Variants in TMEM212 observed in about 807,000 individuals in gnomAD.
TMEM212 encodes the protein transmembrane protein 212.
In TMEM212, 23 loss-of-function variants were observed where a neutral mutation model predicts 20.5. The observed-to-expected ratio is 1.12, with a 90% confidence interval of 0.81 to 1.59. The LOEUF (loss-of-function observed/expected upper bound fraction) is 1.59. Ranked by LOEUF, TMEM212 falls within the 40% of genes most tolerant of loss-of-function variation. The pLI, the probability that TMEM212 is intolerant of heterozygous loss-of-function variation, is 0.00. For synonymous variants in TMEM212, 76 were observed against 81.6 expected (o/e 0.93, Z 0.37); for missense variants, 211 against 215.0 (o/e 0.98, Z 0.12).
Position 171,853,520 on chromosome 3 carries a change from T to C in TMEM212, c.220-7T>C. The C allele has an allele frequency of 1.3e-6, 2 of 1,530,004 alleles. No individual in the cohort carries two copies. The highest frequency in any genetic ancestry group is 1.7e-6 in the Non-Finnish European group (2 of 1,142,874). 94.8% of individuals were successfully genotyped at this position (1,530,004 alleles called of 1,614,324 possible). A position where few individuals can be genotyped will look rare whatever the true frequency, so the allele number is the denominator to read the frequency against. On this transcript the variant is annotated splice_polypyrimidine_tract_variant and splice_region_variant and intron_variant, in intron 2 of 4. Transcript: ENST00000334567. ...AAAGTAACAATTTATTTTTGCTTTA[T>C]TTTCAGGGGGAAGCTACTTTCACCT...
At chr3:171,850,842 T>G (rs1405076019) in intron 1 of TMEM212, among the ~76,000 whole-genome samples, 1 of 152,176 alleles carries the variant, frequency 6.6e-6, no homozygotes, top group Non-Finnish European at 1.5e-5. Context: ...TGTCTGTGTG[T>G]GTGTGTGCAC....
At chr3:171,851,811 G>A (rs188127940) in intron 1 of TMEM212, among the ~76,000 whole-genome samples, 171 bp from the exon 2 acceptor site, 3 of 152,234 alleles carry the variant, frequency 2.0e-5, no homozygotes, top group East Asian at 1.9e-4. Flanking sequence ...TACTTTCCTC[G>A]TCATCACAGT....
chr3:171,855,448 AC>A (rs1288999418), intron 3 of TMEM212, among the ~76,000 whole-genome samples: 1 of 152,164 alleles, frequency 6.6e-6, no homozygotes, highest in African/African-American at 2.4e-5. Flanking sequence ...CCCCATCTCT[AC>A]TAAAAATACA....
chr3:171,852,158 T>A, intron 2 of TMEM212, 117 bp downstream of exon 2: 1 of 825,116 alleles, frequency 1.2e-6, no homozygotes, highest in Non-Finnish European at 1.9e-6. Context: ...TTGGTCTAAT[T>A]GATGCCTTAC....
At chr3:171,844,654 C>A (rs553423432) in intron 1 of TMEM212, among the ~76,000 whole-genome samples, 1 of 151,878 alleles carries the variant, frequency 6.6e-6, no homozygotes, top group Non-Finnish European at 1.5e-5. Flanking sequence ...TGCAGTGAGC[C>A]GAGATCATAC....
At chr3:171,846,387 TAA>T (rs1467410686) in intron 1 of TMEM212, among the ~76,000 whole-genome samples, 1 of 152,218 alleles carries the variant, frequency 6.6e-6, no homozygotes, top group African/African-American at 2.4e-5. Flanking sequence ...TATTAGCATA[TAA>T]GACACTATAT....
At chr3:171,854,815 C>T (rs1008179523) in intron 3 of TMEM212, among the ~76,000 whole-genome samples, 8 of 152,122 alleles carry the variant, frequency 5.3e-5, no homozygotes, top group Admixed American at 5.2e-4. Flanking sequence ...TGGAACAGGA[C>T]ATAGAGCTCA....
intron 1 of TMEM212, among the ~76,000 whole-genome samples, chr3:171,844,311 T>C (rs921412183): frequency 6.6e-6 from 1 of 152,170 alleles, no homozygotes; most frequent in Non-Finnish European, 1.5e-5. Context: ...GACCCACCTG[T>C]CCAACAAATC....
intron 3 of TMEM212, among the ~76,000 whole-genome samples, chr3:171,854,801 C>A (rs1578519588): frequency 6.6e-6 from 1 of 152,096 alleles, no homozygotes; most frequent in South Asian, 2.1e-4. Context: ...AGACAATAGA[C>A]CAATGGAACA....
intron 4 of TMEM212, among the ~76,000 whole-genome samples, chr3:171,857,799 A>G (rs569974788): frequency 6.6e-6 from 1 of 152,314 alleles, no homozygotes; most frequent in South Asian, 2.1e-4. Context: ...GAAGCTCTTT[A>G]ACATTACAAA....
rs1342558408 is a variant in TMEM212, at chr3:171,853,515, C to T, written c.220-12C>T. The stretch of plus-strand genomic sequence containing the variant: ...TTCCCAAAGTAACAATTTATTTTTG[C>T]TTTATTTTCAGGGGGAAGCTACTTT... On this transcript the variant is annotated splice_polypyrimidine_tract_variant and intron_variant, in intron 2 of 4. Transcript: ENST00000334567. 4 of 1,524,980 alleles carry T rather than the reference C, an allele frequency of 2.6e-6. No individual in the cohort carries two copies. The highest frequency in any genetic ancestry group is 3.5e-6 in the Non-Finnish European group (4 of 1,141,048). 94.5% of individuals were successfully genotyped at this position (1,524,980 alleles called of 1,614,324 possible).
intron 1 of TMEM212, among the ~76,000 whole-genome samples, chr3:171,844,065 T>C (rs1395337074): frequency 6.6e-6 from 1 of 152,234 alleles, no homozygotes; most frequent in Non-Finnish European, 1.5e-5. Flanking sequence ...TTTTCAATTA[T>C]TTGAAAATAA....
chr3:171,853,376 A>T (rs1725033241), intron 2 of TMEM212, 151 bp from the exon 3 acceptor site: 1 of 705,006 alleles, frequency 1.4e-6, no homozygotes, highest in Non-Finnish European at 2.3e-6. Context: ...GGGAAAATGA[A>T]AATATAAAGA....
At chr3:171,852,375 AT>A (rs1017641841) in intron 2 of TMEM212, among the ~76,000 whole-genome samples, 1 of 152,018 alleles carries the variant, frequency 6.6e-6, no homozygotes, top group African/African-American at 2.4e-5. Context: ...TAATTTTTGT[AT>A]TTCTAGTAAA....
Position 171,847,441 on chromosome 3 carries a change from T to C in TMEM212, c.159+3899T>C, listed in dbSNP as rs1000790234. Among the ~76,000 whole-genome samples, 4 of 152,364 alleles carry C rather than the reference T, an allele frequency of 2.6e-5. No individual in the cohort carries two copies. The East Asian group carries it at 7.7e-4, about 29-fold the overall frequency. ...TCGACGGTTAGAGAAGGGGCTTGAT[T>C]ACATGACCATGCACGTCTGTTACAG... On this transcript the variant is annotated intron_variant, in intron 1 of 4. Transcript: ENST00000334567.
At chr3:171,855,166 T>C (rs982357971) in intron 3 of TMEM212, among the ~76,000 whole-genome samples, 1 of 152,240 alleles carries the variant, frequency 6.6e-6, no homozygotes, top group Non-Finnish European at 1.5e-5. Context: ...CCTATCTCTT[T>C]GACATTCTTC....
chr3:171,850,856 CGT>C (rs545499276), intron 1 of TMEM212, among the ~76,000 whole-genome samples: 89 of 152,050 alleles, frequency 5.9e-4, no homozygotes, highest in Admixed American at 2.4e-3. Context: ...TGTGCACGCG[CGT>C]GTGTGTTTCC....
intron 3 of TMEM212, among the ~76,000 whole-genome samples, chr3:171,854,702 A>G (rs1365542046): frequency 1.3e-5 from 2 of 152,220 alleles, no homozygotes; most frequent in African/African-American, 4.8e-5. Flanking sequence ...AACTTGAGAA[A>G]GAACAAAGCT....
chr3:171,855,207 T>C (rs1230999996), intron 3 of TMEM212, among the ~76,000 whole-genome samples: 1 of 152,204 alleles, frequency 6.6e-6, no homozygotes, highest in African/African-American at 2.4e-5. Context: ...CAGCTCTTTC[T>C]CTTTGAAAAG....
Sources: gnomAD v4.1 joint callset for allele counts (sites outside exome capture counted in the v4.1 genomes callset) on GRCh38, gnomAD v4.1.1 for gene constraint, MANE v1.5 for transcripts, NCBI Gene and HGNC (gene_info 2026-07-23, HGNC 2026-07-21) for gene names.